FGF14: variants seen among roughly 807,000 people sequenced by gnomAD.
FGF14 encodes fibroblast growth factor 14, also known as fibroblast growth factor homologous factor 4.
FGF14 carries 5 observed loss-of-function variants against 25.5 expected under a neutral mutation model. The ratio of observed to expected loss-of-function variants is 0.20; its 90% CI spans 0.10 to 0.41. The LOEUF is 0.41. Among genes scored for constraint, FGF14 ranks in the 10% least tolerant of loss-of-function variants. FGF14 has a pLI of 1.00. For missense variants in FGF14, 222 were observed against 320.1 expected (o/e 0.69, Z 2.34); for synonymous variants, 138 against 118.3 (o/e 1.17, Z -1.08).
intron 1 of FGF14, among the ~76,000 whole-genome samples, chr13:102,091,850 G>A (rs185697412): frequency 2.0e-5 from 3 of 152,248 alleles, no homozygotes; most frequent in East Asian, 1.9e-4. Flanking sequence ...AGAAGTGTTT[G>A]TATTAAATCT....
intron 1 of FGF14, among the ~76,000 whole-genome samples, chr13:101,987,470 G>C (rs2038652543): frequency 6.6e-6 from 1 of 151,996 alleles, no homozygotes; most frequent in African/African-American, 2.4e-5. Context: ...ATATATTGAA[G>C]TGTTTTTGTT....
At chr13:101,954,319 G>A (rs1034892314) in intron 1 of FGF14, among the ~76,000 whole-genome samples, 1 of 151,022 alleles carries the variant, frequency 6.6e-6, no homozygotes, top group Admixed American at 6.6e-5. Flanking sequence ...TGGGCGGGGT[G>A]GGGGGGTGGT....
At chr13:102,079,533 A>T (rs1013990813) in intron 1 of FGF14, among the ~76,000 whole-genome samples, 2 of 152,094 alleles carry the variant, frequency 1.3e-5, no homozygotes, top group African/African-American at 4.8e-5. Flanking sequence ...CTCCTGCCTC[A>T]ATCTCCCAAA....
intron 3 of FGF14, among the ~76,000 whole-genome samples, chr13:101,744,358 A>C (rs556920832): frequency 6.6e-6 from 1 of 152,098 alleles, no homozygotes; most frequent in Non-Finnish European, 1.5e-5. Flanking sequence ...CAAAGTCACA[A>C]TTCCTGACCT....
At chr13:101,980,994 G>A (rs1044419355) in intron 1 of FGF14, among the ~76,000 whole-genome samples, 10 of 151,118 alleles carry the variant, frequency 6.6e-5, no homozygotes, top group Non-Finnish European at 8.9e-5. Flanking sequence ...GTAATCCTAA[G>A]ACTTTGGGAG....
intron 1 of FGF14, among the ~76,000 whole-genome samples, chr13:102,073,522 A>C (rs1182360485): frequency 6.6e-6 from 1 of 152,246 alleles, no homozygotes; most frequent in Non-Finnish European, 1.5e-5. Context: ...CTGTGCCAAG[A>C]AAGTTAAATT....
chr13:101,945,113 G>A (rs780055203), intron 1 of FGF14, among the ~76,000 whole-genome samples: 4 of 152,186 alleles, frequency 2.6e-5, no homozygotes, highest in Non-Finnish European at 5.9e-5. Context: ...GAGGTCAGGT[G>A]TTCGAGACCA....
chr13:102,363,218 T>C (rs527513794), intron 1 of FGF14, among the ~76,000 whole-genome samples: 11 of 152,344 alleles, frequency 7.2e-5, no homozygotes, highest in African/African-American at 2.6e-4. Context: ...TCAAATTGAA[T>C]GGCTAATCGA....
chr13:102,012,090 T>C (rs1377185858), intron 1 of FGF14, among the ~76,000 whole-genome samples: 1 of 152,138 alleles, frequency 6.6e-6, no homozygotes, highest in Non-Finnish European at 1.5e-5. Context: ...ATGCTGCCAC[T>C]GAGGGAGATG....
At position 102,140,050 on chromosome 13, in the gene FGF14, C is replaced by A. The variant is rs1435584604; in HGVS notation, c.208+261421G>T. ...TAGGTCAAACTCTTCAAGACCCCCC[C>A]CCCCCCTTACAGCAGTAAGTCATCC... On this transcript the variant is annotated intron_variant, in intron 1 of 4. Transcript: ENST00000376131. 2.8e-5 allele frequency among the ~76,000 whole-genome samples: 4 copies of A among 143,296 alleles called. No individual in the cohort carries two copies. The East Asian group carries it at 6.1e-4, about 22-fold the overall frequency. 94.0% of individuals were successfully genotyped at this position (143,296 alleles called of 152,430 possible).
intron 1 of FGF14, among the ~76,000 whole-genome samples, chr13:102,026,618 A>G (rs979751672): frequency 2.6e-5 from 4 of 152,036 alleles, no homozygotes; most frequent in Non-Finnish European, 4.4e-5. Flanking sequence ...TATTCTGTAC[A>G]TAAGTTTTAT....
intron 1 of FGF14, among the ~76,000 whole-genome samples, chr13:102,375,473 C>T (rs917107225): frequency 1.3e-5 from 2 of 151,986 alleles, no homozygotes; most frequent in South Asian, 2.1e-4. Flanking sequence ...CTCAATTTAT[C>T]GTTATTTAAT....
At chr13:102,184,313 G>T (rs1012336257) in intron 1 of FGF14, among the ~76,000 whole-genome samples, 2 of 152,156 alleles carry the variant, frequency 1.3e-5, no homozygotes, top group Non-Finnish European at 2.9e-5. Context: ...AGAAAGGTGG[G>T]GGAGGGCAGT....
intron 1 of FGF14, among the ~76,000 whole-genome samples, chr13:102,081,184 G>C (rs1176671901): frequency 1.3e-5 from 2 of 152,260 alleles, no homozygotes; most frequent in Non-Finnish European, 2.9e-5. Flanking sequence ...TTTGGCTAAA[G>C]TGAAATTGTT....
chr13:102,018,772 C>CGA (rs879343343), intron 1 of FGF14, among the ~76,000 whole-genome samples: 4,812 of 152,242 alleles, frequency 0.032, 244 homozygotes, highest in African/African-American at 0.11. Flanking sequence ...TTCATCTACT[C>CGA]TGGCTTAGCA....
intron 1 of FGF14, among the ~76,000 whole-genome samples, chr13:102,266,286 CA>C (rs1214600856): frequency 6.6e-6 from 1 of 151,926 alleles, no homozygotes; most frequent in African/African-American, 2.4e-5. Flanking sequence ...CTCCTGACAC[CA>C]AAAAACTGCC....
At chr13:102,187,544 T>C (rs2048925777) in intron 1 of FGF14, among the ~76,000 whole-genome samples, 1 of 152,214 alleles carries the variant, frequency 6.6e-6, no homozygotes, top group Non-Finnish European at 1.5e-5. Context: ...AGCTCTGGCA[T>C]TTAATTTAAT....
chr13:101,925,660 T>G (rs902072839), intron 1 of FGF14, among the ~76,000 whole-genome samples: 1 of 152,256 alleles, frequency 6.6e-6, no homozygotes, highest in Non-Finnish European at 1.5e-5. Context: ...CTACTTTGTA[T>G]GTAACTGCTA....
chr13:102,347,495 G>T (rs577034692), intron 1 of FGF14, among the ~76,000 whole-genome samples: 1 of 152,134 alleles, frequency 6.6e-6, no homozygotes, highest in African/African-American at 2.4e-5. Context: ...GGCCAGGAGG[G>T]GGCTGAGTTT....
Sources: gnomAD v4.1 joint callset for allele counts (sites outside exome capture counted in the v4.1 genomes callset) on GRCh38, gnomAD v4.1.1 for gene constraint, MANE v1.5 for transcripts, NCBI Gene and HGNC (gene_info 2026-07-23, HGNC 2026-07-21) for gene names.